The following TMEM108 variants were observed in gnomAD, a reference collection of about 807,000 sequenced individuals.
TMEM108 encodes the protein transmembrane protein 108, also known as cancer/testis antigen 124.
Under a neutral mutation model 35.1 loss-of-function variants are expected in TMEM108, and 12 were observed. The ratio of observed to expected loss-of-function variants is 0.34; its 90% CI spans 0.22 to 0.55. The LOEUF is 0.55. Ranked by LOEUF, TMEM108 falls within the 20% of genes least tolerant of loss-of-function variation. The pLI is 0.89. For synonymous variants in TMEM108, 287 were observed against 308.6 expected, an observed-to-expected ratio of 0.93 and a Z score of 0.73; for missense variants, 680 against 753.3, an observed-to-expected ratio of 0.90 and a Z score of 1.14.
intron 2 of TMEM108, among the ~76,000 whole-genome samples, chr3:133,209,746 A>G (rs1028143945): frequency 7.2e-5 from 11 of 152,090 alleles, no homozygotes; most frequent in African/African-American, 2.7e-4. Flanking sequence ...TATCTTCTCT[A>G]TGAATGCCAT....
At chr3:133,381,553 C>T (rs897898813) in intron 4 of TMEM108, among the ~76,000 whole-genome samples, 3 of 152,164 alleles carry the variant, frequency 2.0e-5, no homozygotes, top group African/African-American at 7.2e-5. Context: ...GTCATGACAC[C>T]ACTCTGCCTC....
At chr3:133,156,352 T>C (rs1366934514) in intron 2 of TMEM108, among the ~76,000 whole-genome samples, 4 of 152,146 alleles carry the variant, frequency 2.6e-5, no homozygotes, top group Non-Finnish European at 5.9e-5. Flanking sequence ...ATACCGTACA[T>C]GTATAGTATA....
intron 2 of TMEM108, among the ~76,000 whole-genome samples, chr3:133,142,317 G>A (rs1944652390): frequency 6.6e-6 from 1 of 152,140 alleles, no homozygotes; most frequent in Non-Finnish European, 1.5e-5. Flanking sequence ...AGAGTTAAAA[G>A]CAGAATATGA....
chr3:133,073,800 T>C (rs1375321126), intron 2 of TMEM108, among the ~76,000 whole-genome samples: 1 of 152,002 alleles, frequency 6.6e-6, no homozygotes, highest in Admixed American at 6.6e-5. Context: ...GTTCCTTTTT[T>C]CCACATCCTT....
intron 2 of TMEM108, among the ~76,000 whole-genome samples, chr3:133,129,497 G>C (rs1944461910): frequency 6.6e-6 from 1 of 152,112 alleles, no homozygotes; most frequent in Non-Finnish European, 1.5e-5. Context: ...CATAAACCCA[G>C]AGTAGCTGCT....
intron 3 of TMEM108, among the ~76,000 whole-genome samples, chr3:133,302,074 C>T (rs192767285): frequency 6.6e-6 from 1 of 152,202 alleles, no homozygotes; most frequent in Non-Finnish European, 1.5e-5. Context: ...ATGGGGGAGT[C>T]TATAAATTCA....
intron 3 of TMEM108, among the ~76,000 whole-genome samples, chr3:133,254,523 A>G (rs1311322896): frequency 6.6e-6 from 1 of 152,200 alleles, no homozygotes; most frequent in Non-Finnish European, 1.5e-5. Context: ...AGATACTTGC[A>G]TATTAACGTC....
intron 2 of TMEM108, among the ~76,000 whole-genome samples, chr3:133,057,713 A>G (rs1410539625): frequency 6.6e-6 from 1 of 152,126 alleles, no homozygotes; most frequent in African/African-American, 2.4e-5. Context: ...AAAAAAATCT[A>G]TCAGTATATT....
At chr3:133,324,350 T>C (rs542768357) in intron 3 of TMEM108, among the ~76,000 whole-genome samples, 1 of 152,030 alleles carries the variant, frequency 6.6e-6, no homozygotes, top group East Asian at 1.9e-4. Context: ...CATCAAAAAG[T>C]GGGCAAAGGA....
At chr3:133,227,097 CA>C (rs1210489031) in intron 2 of TMEM108, among the ~76,000 whole-genome samples, 8 of 151,482 alleles carry the variant, frequency 5.3e-5, no homozygotes, top group African/African-American at 1.9e-4. Flanking sequence ...TGTGGGAATT[CA>C]AGATGAGATT....
chr3:133,345,396 CAATT>C (rs767708812), intron 3 of TMEM108, among the ~76,000 whole-genome samples: 1 of 151,590 alleles, frequency 6.6e-6, no homozygotes. Flanking sequence ...TAAAAGCTCT[CAATT>C]AAATGTAGAA....
chr3:133,363,416 ATT>A (rs60751474), intron 3 of TMEM108, among the ~76,000 whole-genome samples: 65 of 146,088 alleles, frequency 4.4e-4, no homozygotes, highest in East Asian at 8.0e-4. Context: ...GCTTTTCATT[ATT>A]TTTTTTTTTT....
chr3:133,214,158 G>A (rs1945872828), intron 2 of TMEM108, among the ~76,000 whole-genome samples: 1 of 152,150 alleles, frequency 6.6e-6, no homozygotes, highest in Admixed American at 6.5e-5. Context: ...TGCTTGACAT[G>A]CCTTGTCTCC....
intron 2 of TMEM108, among the ~76,000 whole-genome samples, chr3:133,192,323 A>G (rs1011783908): frequency 6.6e-6 from 1 of 152,206 alleles, no homozygotes; most frequent in Non-Finnish European, 1.5e-5. Flanking sequence ...AGATTTGAGC[A>G]GTACTTTTCT....
chr3:133,176,816 G>A (rs6778397), intron 2 of TMEM108, among the ~76,000 whole-genome samples: 150,242 of 151,740 alleles, frequency 0.99, 74,391 homozygotes, highest in East Asian at 1. Context: ...AACTAAAATC[G>A]GAGCAGAACT....
intron 3 of TMEM108, among the ~76,000 whole-genome samples, chr3:133,337,052 T>C (rs1272632805): frequency 6.6e-6 from 1 of 152,040 alleles, no homozygotes; most frequent in Non-Finnish European, 1.5e-5. Context: ...ACCAGGTAGG[T>C]AGACTTCTGA....
At chr3:133,123,889 G>T (rs1412735754) in intron 2 of TMEM108, among the ~76,000 whole-genome samples, 3 of 152,174 alleles carry the variant, frequency 2.0e-5, no homozygotes, top group African/African-American at 7.2e-5. Flanking sequence ...GCTGCAGGTA[G>T]GAGTAGAAAT....
intron 3 of TMEM108, among the ~76,000 whole-genome samples, chr3:133,342,362 A>G (rs561297887): frequency 7.1e-4 from 107 of 151,056 alleles, no homozygotes; most frequent in African/African-American, 2.5e-3. Context: ...CTAAAAGAGT[A>G]TAACTGGATT....
intron 2 of TMEM108, among the ~76,000 whole-genome samples, chr3:133,184,303 TAATGTA>T (rs1198605612): frequency 6.6e-6 from 1 of 152,246 alleles, no homozygotes; most frequent in African/African-American, 2.4e-5. Context: ...AAATTTAATT[TAATGTA>T]AATGTACATT....
Sources: allele counts gnomAD v4.1 joint callset (sites outside exome capture counted in the v4.1 genomes callset), GRCh38; gene constraint gnomAD v4.1.1; transcripts MANE v1.5; gene names NCBI Gene and HGNC (gene_info 2026-07-23, HGNC 2026-07-21).